Variants in RBFOX1 observed in about 807,000 individuals in gnomAD.
RBFOX1 encodes RNA binding fox-1 homolog 1.
In RBFOX1, 8 loss-of-function variants were observed where a neutral mutation model predicts 57.7. The ratio of observed to expected loss-of-function variants is 0.14; its 90% CI spans 0.08 to 0.25. The LOEUF (loss-of-function observed/expected upper bound fraction) is 0.25. RBFOX1 is among the 10% of genes least tolerant of loss of function. The probability of loss-of-function intolerance (pLI) is 1.00; values close to 1 mark genes in which losing one functional copy is unlikely to be tolerated. For synonymous variants in RBFOX1, 326 were observed against 222.4 expected (o/e 1.47, Z -4.15); for missense variants, 611 against 548.5 (o/e 1.11, Z -1.14).
At chr16:6,643,922 T>C (rs997524690) in intron 2 of RBFOX1, among the ~76,000 whole-genome samples, 2 of 152,042 alleles carry the variant, frequency 1.3e-5, no homozygotes, top group Non-Finnish European at 2.9e-5. Flanking sequence ...GGTCAGGAGT[T>C]TGAGACCAGC....
chr16:7,310,075 G>T lies in RBFOX1; in HGVS notation c.28-208072G>T, dbSNP rs534158429. Among the ~76,000 whole-genome samples, 4 of 152,316 alleles carry T rather than the reference G, an allele frequency of 2.6e-5. No homozygotes were observed. The South Asian group carries it at 8.3e-4, about 32-fold the overall frequency. ...TGCCTCACCCAGCCCTATTGAGGGCGGCTGTGTCAGATAGGGTCAGCTCTC... is the reference window on the plus strand; with the variant it reads ...TGCCTCACCCAGCCCTATTGAGGGCTGCTGTGTCAGATAGGGTCAGCTCTC... On this transcript the variant is annotated intron_variant, in intron 4 of 15. Transcript: ENST00000550418.
chr16:6,111,714 A>G (rs1276721397), intron 1 of RBFOX1, among the ~76,000 whole-genome samples: 3 of 152,214 alleles, frequency 2.0e-5, no homozygotes, highest in Non-Finnish European at 2.9e-5. Flanking sequence ...AAAATGCAGC[A>G]TGATTTGGAA....
At chr16:5,414,382 G>A (rs923554673) in intron 1 of RBFOX1, among the ~76,000 whole-genome samples, 10 of 152,276 alleles carry the variant, frequency 6.6e-5, no homozygotes, top group African/African-American at 1.7e-4. Flanking sequence ...CTCTCTGTGG[G>A]CTTGCTTAAA....
At position 6,226,348 on chromosome 16, in the gene RBFOX1, C is replaced by T. The variant is rs555860251; in HGVS notation, c.-126-90647C>T. Among the ~76,000 whole-genome samples the T allele has an allele frequency of 5.6e-5, 7 of 125,574 alleles. No homozygotes were observed. In the Middle Eastern group the frequency reaches 0.018, roughly 320 times the overall value. 82.4% of individuals were successfully genotyped at this position (125,574 alleles called of 152,430 possible). A position where few individuals can be genotyped will look rare whatever the true frequency, so the allele number is the denominator to read the frequency against. ...AAATCATGCCATTGCACTCCAGCCT[C>T]GGCAACAAGAGTGAAACTCTGTCTC... On this transcript the variant is annotated intron_variant, in intron 1 of 15. Coordinates refer to ENST00000550418, the MANE Select transcript of RBFOX1 (RefSeq NM_018723.4).
chr16:5,884,277 A>C (rs998578807), intron 4 of RBFOX1, among the ~76,000 whole-genome samples: 7 of 152,140 alleles, frequency 4.6e-5, no homozygotes, highest in Admixed American at 1.3e-4. Flanking sequence ...CCAGTGATAC[A>C]GTTGAGAGCT....
chr16:6,730,160 A>G (rs1167988242), intron 3 of RBFOX1, among the ~76,000 whole-genome samples: 1 of 152,244 alleles, frequency 6.6e-6, no homozygotes, highest in Non-Finnish European at 1.5e-5. Context: ...GAAGCCTTAA[A>G]TAATTATAAC....
intron 2 of RBFOX1, among the ~76,000 whole-genome samples, chr16:6,529,841 C>G (rs1434140264): frequency 1.3e-5 from 2 of 151,992 alleles, no homozygotes; most frequent in Non-Finnish European, 2.9e-5. Context: ...AATATTATCC[C>G]TAGTTTATTG....
At chr16:7,217,921 T>G (rs181672247) in intron 4 of RBFOX1, among the ~76,000 whole-genome samples, 3 of 151,316 alleles carry the variant, frequency 2.0e-5, no homozygotes, top group Non-Finnish European at 3.0e-5. Flanking sequence ...TGTGTGTGAG[T>G]GTAGGTGTGT....
intron 3 of RBFOX1, among the ~76,000 whole-genome samples, chr16:5,772,049 G>C (rs1209064717): frequency 1.3e-5 from 2 of 152,110 alleles, no homozygotes; most frequent in African/African-American, 2.4e-5. Flanking sequence ...GCACATGCCT[G>C]TAATCCCAGC....
At chr16:6,408,596 A>G (rs962698622) in intron 2 of RBFOX1, among the ~76,000 whole-genome samples, 1 of 152,164 alleles carries the variant, frequency 6.6e-6, no homozygotes, top group African/African-American at 2.4e-5. Context: ...TAGAGTGTCT[A>G]TGAAGTGTCC....
chr16:6,916,499 T>G (rs2073191847), intron 3 of RBFOX1, among the ~76,000 whole-genome samples: 1 of 152,116 alleles, frequency 6.6e-6, no homozygotes, highest in Non-Finnish European at 1.5e-5. Context: ...TTTTTTTTTT[T>G]TAATTGTCAT....
intron 3 of RBFOX1, among the ~76,000 whole-genome samples, chr16:7,001,400 GTATA>G (rs1568311873): frequency 0.1 from 8,351 of 82,508 alleles, 885 homozygotes; most frequent in African/African-American, 0.31. Context: ...ATGTGTATTT[GTATA>G]TGTATATGTA....
chr16:7,521,589 T>C (rs1413157235), intron 5 of RBFOX1, among the ~76,000 whole-genome samples: 1 of 152,216 alleles, frequency 6.6e-6, no homozygotes, highest in Non-Finnish European at 1.5e-5. Context: ...CAAGATAATC[T>C]GATGTGCAGA....
chr16:7,658,745 G>A (rs1183775875), intron 12 of RBFOX1, among the ~76,000 whole-genome samples: 1 of 152,130 alleles, frequency 6.6e-6, no homozygotes, highest in Non-Finnish European at 1.5e-5. Flanking sequence ...TTATTTTTGA[G>A]ATGGAGTCTT....
intron 4 of RBFOX1, among the ~76,000 whole-genome samples, chr16:7,156,973 A>G (rs2077277919): frequency 6.6e-6 from 1 of 152,208 alleles, no homozygotes; most frequent in Non-Finnish European, 1.5e-5. Context: ...TTAAAAAAAC[A>G]CTTCCCTTAT....
intron 3 of RBFOX1, among the ~76,000 whole-genome samples, chr16:6,803,197 A>G (rs941801602): frequency 6.6e-5 from 10 of 152,136 alleles, no homozygotes; most frequent in African/African-American, 2.4e-4. Context: ...GATTGAAAAT[A>G]GTCGAAAATG....
intron 1 of RBFOX1, among the ~76,000 whole-genome samples, chr16:5,323,086 A>G (rs1179792501): frequency 1.3e-5 from 2 of 152,190 alleles, no homozygotes; most frequent in South Asian, 2.1e-4. Flanking sequence ...GCAAAATGCA[A>G]TGGGAACATC....
intron 4 of RBFOX1, among the ~76,000 whole-genome samples, chr16:7,410,451 G>T (rs1042183518): frequency 6.6e-6 from 1 of 152,226 alleles, no homozygotes; most frequent in Non-Finnish European, 1.5e-5. Flanking sequence ...GGAGGCCAAG[G>T]TGGGTGGATT....
intron 4 of RBFOX1, among the ~76,000 whole-genome samples, chr16:7,299,434 A>G (rs1265292689): frequency 6.6e-6 from 1 of 152,160 alleles, no homozygotes; most frequent in Non-Finnish European, 1.5e-5. Flanking sequence ...CACCCAAACT[A>G]GAAAGCTAGA....
Sources: gnomAD v4.1 joint callset for allele counts (sites outside exome capture counted in the v4.1 genomes callset) on GRCh38, gnomAD v4.1.1 for gene constraint, MANE v1.5 for transcripts, NCBI Gene and HGNC (gene_info 2026-07-23, HGNC 2026-07-21) for gene names.